Variants in DGKZ observed in about 807,000 individuals in gnomAD.
The protein encoded by DGKZ is diacylglycerol kinase zeta.
A neutral mutation model predicts 142.5 loss-of-function variants in DGKZ; 45 were observed. The ratio of observed to expected loss-of-function variants is 0.32; its 90% confidence interval spans 0.25 to 0.40. DGKZ has a LOEUF of 0.40. Among genes scored for constraint, DGKZ ranks in the 10% least tolerant of loss-of-function variants. The pLI, the probability that DGKZ is intolerant of heterozygous loss-of-function variation, is 1.00. For synonymous variants in DGKZ, 442 were observed against 527.0 expected (o/e 0.84, Z 2.21); for missense variants, 755 against 1,306.5 (o/e 0.58, Z 6.51).
At chr11:46,374,903 T>C in intron 18 of DGKZ, 31 bp from the exon 19 acceptor site, 1 of 1,573,456 alleles carries the variant, frequency 6.4e-7, no homozygotes. Flanking sequence ...AGACTGTGTT[T>C]TGAGGCCCAT....
exon 1 of DGKZ, chr11:46,333,056 C>T (rs1209268228): frequency 5.5e-6 from 2 of 362,494 alleles, no homozygotes; most frequent in Non-Finnish European, 4.8e-6. Flanking sequence ...GGAGCCCCCG[C>T]CCCCCCGGAG....
intron 25 of DGKZ, 101 bp from the exon 26 acceptor site, chr11:46,378,094 TCAA>T: frequency 7.0e-7 from 1 of 1,423,754 alleles, no homozygotes; most frequent in South Asian, 1.2e-5. Flanking sequence ...TAGCAGGCAC[TCAA>T]TAAACTGTGG....
intron 1 of DGKZ, among the ~76,000 whole-genome samples, chr11:46,337,357 G>A (rs1940064093): frequency 1.4e-5 from 2 of 143,684 alleles, no homozygotes; most frequent in African/African-American, 5.2e-5. Flanking sequence ...GTGCAATGGC[G>A]TGATCTTGGT....
chr11:46,365,777 G>T, intron 1 of DGKZ: 1 of 985,446 alleles, frequency 1.0e-6, no homozygotes, highest in Non-Finnish European at 1.2e-6. Context: ...CAAAGGCCCA[G>T]CAAGTGGGAA....
chr11:46,344,218 T>A (rs1301057452), upstream of DGKZ, among the ~76,000 whole-genome samples: 1 of 151,760 alleles, frequency 6.6e-6, no homozygotes, highest in Non-Finnish European at 1.5e-5. Flanking sequence ...CCAATCTTTA[T>A]GGCACATCTT....
intron 9 of DGKZ, 75 bp from the exon 10 acceptor site, chr11:46,372,000 C>T: frequency 7.0e-7 from 1 of 1,427,808 alleles, no homozygotes; most frequent in Non-Finnish European, 9.7e-7. Flanking sequence ...CAAAGTCACC[C>T]AGGGGGCCTG....
At chr11:46,355,856 C>G in intron 1 of DGKZ, among the ~76,000 whole-genome samples, 1 of 152,172 alleles carries the variant, frequency 6.6e-6, no homozygotes, top group East Asian at 1.9e-4. Context: ...AAGCGATTCA[C>G]CTGCCTCAGC....
intron 1 of DGKZ, among the ~76,000 whole-genome samples, chr11:46,348,358 C>T (rs1482876404): frequency 6.6e-6 from 1 of 152,212 alleles, no homozygotes; most frequent in Non-Finnish European, 1.5e-5. Context: ...GGCTTGTCCC[C>T]AAGCTCTGGT....
intron 1 of DGKZ, among the ~76,000 whole-genome samples, chr11:46,358,639 C>G (rs1942299755): frequency 6.6e-6 from 1 of 152,054 alleles, no homozygotes; most frequent in Non-Finnish European, 1.5e-5. Context: ...TAAAGACCAG[C>G]TTGGGCAACA....
intron 1 of DGKZ, chr11:46,364,512 G>C: frequency 1.6e-6 from 2 of 1,216,616 alleles, no homozygotes; most frequent in Non-Finnish European, 2.1e-6. Flanking sequence ...TAAGAGCACT[G>C]CCCTGACCTC....
At chr11:46,333,424 C>A (rs545413283) in exon 1 of DGKZ, 1 of 1,524,152 alleles carries the variant, frequency 6.6e-7, no homozygotes, top group Non-Finnish European at 8.8e-7. Flanking sequence ...CGGGGCACGG[C>A]CGCTGGGCCC....
At chr11:46,378,886 C>G (rs930335678) in intron 27 of DGKZ, 105 bp from the exon 28 acceptor site, 18 of 1,455,992 alleles carry the variant, frequency 1.2e-5, no homozygotes, top group Non-Finnish European at 1.4e-5. Context: ...TGAGCGCACT[C>G]GTTTCAGGCC....
intron 1 of DGKZ, among the ~76,000 whole-genome samples, chr11:46,354,411 G>A (rs1249485893): frequency 1.3e-5 from 2 of 152,140 alleles, no homozygotes; most frequent in Admixed American, 1.3e-4. Context: ...GCCCAGGTTG[G>A]TCTCGAACTC....
At chr11:46,380,350 A>AC (rs1370088734), downstream of DGKZ, 2 of 159,014 alleles carry the variant, frequency 1.3e-5, no homozygotes, top group Non-Finnish European at 2.8e-5. Context: ...CTCCTGCCCC[A>AC]CCCCACCTCC....
At chr11:46,379,859 A>G (rs1945028135) in exon 31 of DGKZ, 1 of 1,610,728 alleles carries the variant, frequency 6.2e-7, no homozygotes, top group Middle Eastern at 1.7e-4. Flanking sequence ...CGGGCTGAGA[A>G]GGCTCAGGAC....
chr11:46,378,343 A>C, intron 26 of DGKZ, 114 bp downstream of exon 26: 1 of 1,539,670 alleles, frequency 6.5e-7, no homozygotes, highest in Non-Finnish European at 8.8e-7. Context: ...TTTGAGCTTC[A>C]CGCACCAACG....
At chr11:46,339,469 C>T (rs1415065975) in intron 1 of DGKZ, among the ~76,000 whole-genome samples, 1 of 152,224 alleles carries the variant, frequency 6.6e-6, no homozygotes, top group Non-Finnish European at 1.5e-5. Context: ...CCTTCCCTCC[C>T]CTCAGGGACC....
chr11:46,345,295 ATGAGCCC>A, upstream of DGKZ: 2 of 1,362,816 alleles, frequency 1.5e-6, no homozygotes, highest in Non-Finnish European at 1.9e-6. This position sits in a 1 kb window ranked among gnomAD's most constrained non-coding sequence, Gnocchi z 4.1. Flanking sequence ...GAAGGCGCCT[ATGAGCCC>A]TGAGCCTGTG....
At chr11:46,377,588 C>G (rs929051035) in intron 25 of DGKZ, 1 of 280,318 alleles carries the variant, frequency 3.6e-6, no homozygotes. Context: ...CTCCATACCA[C>G]GGTCAACTAA....
Sources: allele counts gnomAD v4.1 joint callset (sites outside exome capture counted in the v4.1 genomes callset), GRCh38; gene constraint gnomAD v4.1.1; non-coding constraint Gnocchi (gnomAD v3.1); transcripts MANE v1.5; gene names NCBI Gene and HGNC (gene_info 2026-07-23, HGNC 2026-07-21).